Variants in TMEM132B observed in about 807,000 individuals in gnomAD.
TMEM132B encodes transmembrane protein 132B.
Under a neutral mutation model 90.8 loss-of-function variants are expected in TMEM132B, and 18 were observed. That is an observed-to-expected ratio of 0.20 (90% CI 0.14 to 0.29). The LOEUF is 0.29. Among genes scored for constraint, TMEM132B ranks in the 10% least tolerant of loss-of-function variants. TMEM132B has a pLI of 1.00. For missense variants in TMEM132B, 1,096 were observed against 1,326.8 expected (o/e 0.83, Z 2.70); for synonymous variants, 504 against 523.3 (o/e 0.96, Z 0.50).
chr12:125,345,565 CCT>C (rs1387992576), intron 1 of TMEM132B, among the ~76,000 whole-genome samples: 1 of 152,178 alleles, frequency 6.6e-6, no homozygotes, highest in Non-Finnish European at 1.5e-5. Context: ...AATCTCCTCC[CCT>C]CTCTTCCTGC....
At chr12:125,566,816 T>C (rs990510977) in intron 4 of TMEM132B, among the ~76,000 whole-genome samples, 4 of 148,290 alleles carry the variant, frequency 2.7e-5, no homozygotes, top group Middle Eastern at 3.4e-3. Flanking sequence ...TTCTCCTCCT[T>C]CTTCTTCCTC....
chr12:125,338,853 C>T (rs1877069991), intron 1 of TMEM132B, among the ~76,000 whole-genome samples: 1 of 152,116 alleles, frequency 6.6e-6, no homozygotes. Context: ...ATTTGGGTTT[C>T]TGTGGAGATG....
At chr12:125,628,998 A>G (rs970303313) in intron 5 of TMEM132B, among the ~76,000 whole-genome samples, 1 of 152,022 alleles carries the variant, frequency 6.6e-6, no homozygotes, top group African/African-American at 2.4e-5. Context: ...ATTCTGTTCC[A>G]TTGGTCTATG....
At chr12:125,627,757 G>T (rs1428135331) in intron 5 of TMEM132B, among the ~76,000 whole-genome samples, 1 of 151,884 alleles carries the variant, frequency 6.6e-6, no homozygotes, top group Non-Finnish European at 1.5e-5. Flanking sequence ...TTAAATACTA[G>T]GTTTTATTCT....
At position 125,662,037 on chromosome 12, in the gene TMEM132B, A is replaced by G. The variant is rs1188907213; in HGVS notation, c.*7327A>G. The G allele has an allele frequency of 6.6e-6, 1 of 152,268 alleles. No individual in the cohort carries two copies. The highest frequency in any genetic ancestry group is 2.1e-4 in the South Asian group (1 of 4,828). 9.4% of individuals were successfully genotyped at this position (152,268 alleles called of 1,614,324 possible). A position where few individuals can be genotyped will look rare whatever the true frequency, so the allele number is the denominator to read the frequency against. On this transcript the variant is annotated 3_prime_UTR_variant, in exon 9 of 9. Coordinates refer to ENST00000682704, the MANE Select transcript of TMEM132B (RefSeq NM_001366854.1). ...AGCTGCAGAACATAGTGAGTGGCCAAACCTACACAGCCCAGCCAGTAGTGT... is the reference window on the plus strand; with the variant it reads ...AGCTGCAGAACATAGTGAGTGGCCAGACCTACACAGCCCAGCCAGTAGTGT...
Position 125,475,974 on chromosome 12 carries a change from G to A in TMEM132B, c.1107-43465G>A, listed in dbSNP as rs544870580. Among the ~76,000 whole-genome samples the A allele has an allele frequency of 3.9e-5, 6 of 152,066 alleles. No homozygotes were observed. In the South Asian group the frequency reaches 8.3e-4, roughly 21 times the overall value. On this transcript the variant is annotated intron_variant, in intron 3 of 8. Transcript: ENST00000682704. ...ATTTAGCTTTGTTTTTTTTACATTG[G>A]TATTAGTTGGATGTGTAACCCTGCT...
intron 1 of TMEM132B, among the ~76,000 whole-genome samples, chr12:125,325,209 C>T (rs1459528840): frequency 2.0e-5 from 3 of 152,134 alleles, no homozygotes; most frequent in East Asian, 1.9e-4. Flanking sequence ...AAGGTAAAGA[C>T]GCAAACACAC....
At chr12:125,634,879 C>A (rs1330876776) in intron 5 of TMEM132B, among the ~76,000 whole-genome samples, 1 of 152,102 alleles carries the variant, frequency 6.6e-6, no homozygotes, top group Non-Finnish European at 1.5e-5. Context: ...AGCTGTACAG[C>A]CTGGGGTTGG....
Position 125,612,931 on chromosome 12 carries a change from A to AAT in TMEM132B, c.1437+28944_1437+28945dup, listed in dbSNP as rs369687336. On this transcript the variant is annotated intron_variant, in intron 5 of 8. Coordinates refer to ENST00000682704, the MANE Select transcript of TMEM132B (RefSeq NM_001366854.1). ...ATATCATATATATTTATATATTAAA[A>AAT]ATATATATCATATATATTTATATAT... 3.4e-3 allele frequency among the ~76,000 whole-genome samples: 28 copies of AAT among 8,330 alleles called. 9 individuals are homozygous for AAT. Among genetic ancestry groups the AAT allele is most frequent in the East Asian group, 0.011 (3 of 272 alleles). 5.5% of individuals were successfully genotyped at this position (8,330 alleles called of 152,430 possible). A position where few individuals can be genotyped will look rare whatever the true frequency, so the allele number is the denominator to read the frequency against.
intron 3 of TMEM132B, among the ~76,000 whole-genome samples, chr12:125,420,274 C>T (rs1041532144): frequency 1.3e-5 from 2 of 152,376 alleles, no homozygotes; most frequent in Admixed American, 1.3e-4. Context: ...GGCTCTGCCC[C>T]TGCAGCACAC....
At chr12:125,231,594 G>A (rs4237993) in intron 1 of TMEM132B, among the ~76,000 whole-genome samples, 30,664 of 151,938 alleles carry the variant, frequency 0.2, 3,323 homozygotes, top group East Asian at 0.35. Context: ...TTTTTTAGTG[G>A]TGGAACTCTT....
At chr12:125,359,449 G>A (rs1877891452) in intron 2 of TMEM132B, among the ~76,000 whole-genome samples, 1 of 151,628 alleles carries the variant, frequency 6.6e-6, no homozygotes, top group African/African-American at 2.4e-5. Context: ...CTACAAAAAA[G>A]ACAATGTCAA....
chr12:125,266,916 C>G (rs1874709484), intron 1 of TMEM132B, among the ~76,000 whole-genome samples: 1 of 152,048 alleles, frequency 6.6e-6, no homozygotes, highest in Non-Finnish European at 1.5e-5. Context: ...CCAGTGAGAC[C>G]ACAGTGGTGA....
chr12:125,412,808 G>A (rs1405905464), intron 2 of TMEM132B, among the ~76,000 whole-genome samples: 2 of 152,160 alleles, frequency 1.3e-5, no homozygotes, highest in African/African-American at 4.8e-5. Flanking sequence ...CTGGGGGCAG[G>A]GACAGAACAG....
intron 3 of TMEM132B, among the ~76,000 whole-genome samples, chr12:125,512,199 A>G (rs1882999784): frequency 6.6e-6 from 1 of 152,232 alleles, no homozygotes. Context: ...AAAGTGGCTC[A>G]GGCCTATTGG....
chr12:125,467,421 TC>T (rs953863197), intron 3 of TMEM132B, among the ~76,000 whole-genome samples: 8 of 152,100 alleles, frequency 5.3e-5, no homozygotes, highest in African/African-American at 1.9e-4. Context: ...TCCTCACTTT[TC>T]CCCTTCTCCT....
intron 3 of TMEM132B, among the ~76,000 whole-genome samples, chr12:125,476,594 T>A (rs902537512): frequency 6.6e-6 from 1 of 152,236 alleles, no homozygotes; most frequent in East Asian, 1.9e-4. Flanking sequence ...GTGCTGAACA[T>A]TCGTGTTCAA....
At chr12:125,355,319 C>A (rs919152861) in intron 2 of TMEM132B, among the ~76,000 whole-genome samples, 2 of 152,088 alleles carry the variant, frequency 1.3e-5, no homozygotes, top group African/African-American at 4.8e-5. Flanking sequence ...AATGAGAAAG[C>A]TTCAGGTGTG....
rs74356104 is a variant in TMEM132B at position 125,230,799 on chromosome 12, G to A, written c.67+43933G>A. Among the ~76,000 whole-genome samples, 192 of 152,010 alleles carry A rather than the reference G, an allele frequency of 1.3e-3. 2 individuals are homozygous for A. The highest frequency in any genetic ancestry group is 3.9e-3 in the African/African-American group (161 of 41,456). On this transcript the variant is annotated intron_variant, in intron 1 of 8. Coordinates refer to ENST00000682704, the MANE Select transcript of TMEM132B (RefSeq NM_001366854.1). Reference sequence around the variant, plus strand: ...GATTACAGGCGTGAGCCACACATCTGTGTTTTATCAAGTCTTCCAGGTGAT... The same window carrying A: ...GATTACAGGCGTGAGCCACACATCTATGTTTTATCAAGTCTTCCAGGTGAT...
Sources: gnomAD v4.1 joint callset for allele counts (sites outside exome capture counted in the v4.1 genomes callset) on GRCh38, gnomAD v4.1.1 for gene constraint, MANE v1.5 for transcripts, NCBI Gene and HGNC (gene_info 2026-07-23, HGNC 2026-07-21) for gene names.